The following TMEM74 variants were observed in gnomAD, a reference collection of about 807,000 sequenced individuals.
The protein encoded by TMEM74 is transmembrane protein 74.
TMEM74 carries 13 observed loss-of-function variants against 18.1 expected under a neutral mutation model. The ratio of observed to expected loss-of-function variants is 0.72; its 90% CI spans 0.47 to 1.14. The LOEUF (loss-of-function observed/expected upper bound fraction) is 1.14, where lower values mean the gene tolerates loss of function less well. TMEM74 is among the 50% of genes most tolerant of loss of function. TMEM74 has a pLI of 0.00. For synonymous variants in TMEM74, 159 were observed against 146.6 expected (o/e 1.08, Z -0.61); for missense variants, 372 against 375.9 (o/e 0.99, Z 0.09).
At chr8:108,720,753 T>A (rs147142561) in intron 1 of TMEM74, among the ~76,000 whole-genome samples, 13 of 95,036 alleles carry the variant, frequency 1.4e-4, no homozygotes, top group Admixed American at 6.8e-4. Context: ...TTTATTTATT[T>A]ATTAGTTTGT....
At chr8:108,735,705 T>C (rs2130642456) in intron 1 of TMEM74, among the ~76,000 whole-genome samples, 1 of 152,302 alleles carries the variant, frequency 6.6e-6, no homozygotes, top group Non-Finnish European at 1.5e-5. Flanking sequence ...CATAGGCTTT[T>C]CTTTCTCTTG....
At chr8:108,628,341 G>C (rs144102413) in intron 2 of TMEM74, among the ~76,000 whole-genome samples, 11 of 151,964 alleles carry the variant, frequency 7.2e-5, no homozygotes, top group African/African-American at 2.7e-4. Flanking sequence ...TTAGGTTCTC[G>C]TCCTGCAAAA....
At chr8:108,650,472 A>G (rs1812762479) in intron 2 of TMEM74, among the ~76,000 whole-genome samples, 2 of 151,952 alleles carry the variant, frequency 1.3e-5, no homozygotes, top group Non-Finnish European at 2.9e-5. Flanking sequence ...ATGGCCTATA[A>G]AACTCCATAC....
At chr8:108,652,911 G>A (rs1190125809) in intron 2 of TMEM74, 1 of 414,102 alleles carries the variant, frequency 2.4e-6, no homozygotes, top group East Asian at 6.6e-5. Context: ...ACAGTGCCCT[G>A]TGTGAAGAGC....
At chr8:108,766,530 G>A (rs1047055383) in intron 1 of TMEM74, among the ~76,000 whole-genome samples, 9 of 152,118 alleles carry the variant, frequency 5.9e-5, no homozygotes, top group Non-Finnish European at 8.8e-5. Context: ...GGTCTTCCAC[G>A]TGGGCCACCA....
intron 1 of TMEM74, among the ~76,000 whole-genome samples, chr8:108,664,249 A>T (rs142039887): frequency 3.0e-4 from 46 of 152,276 alleles, no homozygotes; most frequent in African/African-American, 1.1e-3. Context: ...GATTCTTCCT[A>T]TCCATGAACA....
intron 1 of TMEM74, among the ~76,000 whole-genome samples, chr8:108,709,986 A>T (rs560068406): frequency 3.5e-4 from 54 of 152,284 alleles, no homozygotes; most frequent in Non-Finnish European, 5.4e-4. Flanking sequence ...CATATCTCAG[A>T]TTTACCACTT....
At chr8:108,609,879 T>G (rs150543467) in intron 2 of TMEM74, among the ~76,000 whole-genome samples, 1 of 152,150 alleles carries the variant, frequency 6.6e-6, no homozygotes, top group African/African-American at 2.4e-5. Context: ...TCAGCATAAT[T>G]TAAGAAGAAC....
chr8:108,670,867 T>C (rs941521879), intron 1 of TMEM74, among the ~76,000 whole-genome samples: 5 of 152,172 alleles, frequency 3.3e-5, no homozygotes, highest in African/African-American at 1.2e-4. Context: ...TAAACCTTTA[T>C]GTTCTGTTTT....
At chr8:108,747,387 A>C (rs1813859479) in intron 1 of TMEM74, among the ~76,000 whole-genome samples, 1 of 152,116 alleles carries the variant, frequency 6.6e-6, no homozygotes. Flanking sequence ...AAAAGCAGAT[A>C]AACTAGATGG....
chr8:108,625,286 A>C (rs1310349373), intron 2 of TMEM74, among the ~76,000 whole-genome samples: 1 of 152,120 alleles, frequency 6.6e-6, no homozygotes, highest in Non-Finnish European at 1.5e-5. Context: ...GCAAGGTTCC[A>C]AGTTTTTCAA....
At chr8:108,778,945 A>G (rs1352600515), downstream of TMEM74, among the ~76,000 whole-genome samples, 3 of 152,206 alleles carry the variant, frequency 2.0e-5, no homozygotes, top group East Asian at 1.9e-4. Context: ...ATATAGTGAA[A>G]TGGTAGCAAG....
rs146727393 is a variant in TMEM74 at position 108,659,747 on chromosome 8, A to G, written n.120-4310T>C. ...ACCTGTGTTGCCCAGATACCCCTCAAGGAGGACTTGTATCCAGTAGCTGGG... is the reference window on the plus strand; with the variant it reads ...ACCTGTGTTGCCCAGATACCCCTCAGGGAGGACTTGTATCCAGTAGCTGGG... On this transcript the variant is annotated intron_variant and non_coding_transcript_variant, in intron 1 of 3. Transcript: ENST00000518838. Among the ~76,000 whole-genome samples the G allele has an allele frequency of 1.1e-4, 17 of 152,256 alleles. No individual in the cohort carries two copies. In the East Asian group the frequency reaches 3.1e-3, roughly 28 times the overall value.
chr8:108,671,271 A>G (rs1318419816), intron 1 of TMEM74, among the ~76,000 whole-genome samples: 1 of 152,194 alleles, frequency 6.6e-6, no homozygotes, highest in East Asian at 1.9e-4. Flanking sequence ...AAAAAGTTAA[A>G]TACTAGCTCA....
chr8:108,632,461 G>A (rs533614380), intron 2 of TMEM74, among the ~76,000 whole-genome samples: 1 of 151,960 alleles, frequency 6.6e-6, no homozygotes, highest in South Asian at 2.1e-4. Flanking sequence ...ATTAGAAAAT[G>A]CAATGATGTT....
intron 1 of TMEM74, among the ~76,000 whole-genome samples, chr8:108,752,866 C>T (rs972597326): frequency 6.6e-6 from 1 of 152,048 alleles, no homozygotes; most frequent in Non-Finnish European, 1.5e-5. Context: ...GTCAGTATAA[C>T]CAGTTCACTG....
intron 1 of TMEM74, among the ~76,000 whole-genome samples, chr8:108,725,583 G>T (rs898304263): frequency 6.6e-6 from 1 of 152,240 alleles, no homozygotes; most frequent in Admixed American, 6.5e-5. Context: ...ATCTTGAGAT[G>T]TAAATGGTGA....
At position 108,740,838 on chromosome 8, in the gene TMEM74, T is replaced by C. The variant is rs144636633; in HGVS notation, n.119+46638A>G. Among the ~76,000 whole-genome samples the C allele has an allele frequency of 5.8e-3, 882 of 152,306 alleles. 10 individuals carry two copies. The highest frequency in any genetic ancestry group is 0.02 in the African/African-American group (835 of 41,572). ...CCCTAAAAACCAATAAGTTCTTGTCTATGATTTGAAGAAACTTGCACATGT... is the reference window on the plus strand; with the variant it reads ...CCCTAAAAACCAATAAGTTCTTGTCCATGATTTGAAGAAACTTGCACATGT... On this transcript the variant is annotated intron_variant and non_coding_transcript_variant, in intron 1 of 3. Coordinates refer to the TMEM74 transcript ENST00000518838.
At chr8:108,648,993 C>G (rs1414009344) in intron 2 of TMEM74, among the ~76,000 whole-genome samples, 3 of 152,098 alleles carry the variant, frequency 2.0e-5, no homozygotes, top group Non-Finnish European at 4.4e-5. Context: ...TAAAAATAGT[C>G]ATTTTCTAAC....
Sources: gnomAD v4.1 joint callset for allele counts (sites outside exome capture counted in the v4.1 genomes callset) on GRCh38, gnomAD v4.1.1 for gene constraint, MANE v1.5 for transcripts, NCBI Gene and HGNC (gene_info 2026-07-23, HGNC 2026-07-21) for gene names.